The following EXT1 variants were observed in gnomAD, a reference collection of about 807,000 sequenced individuals.
EXT1 encodes exostosin glycosyltransferase 1.
In EXT1, 20 loss-of-function variants were observed where a neutral mutation model predicts 82.5. The ratio of observed to expected loss-of-function variants is 0.24; its 90% CI spans 0.17 to 0.35. EXT1 has a LOEUF of 0.35. Ranked by LOEUF, EXT1 falls within the 10% of genes least tolerant of loss-of-function variation. EXT1 has a pLI of 1.00. For missense variants in EXT1, 757 were observed against 936.5 expected (o/e 0.81, Z 2.50); for synonymous variants, 348 against 350.8 (o/e 0.99, Z 0.09).
At chr8:117,860,756 A>C (rs966511187) in intron 1 of EXT1, among the ~76,000 whole-genome samples, 1 of 152,234 alleles carries the variant, frequency 6.6e-6, no homozygotes, top group Non-Finnish European at 1.5e-5. Context: ...AAGATTTGGC[A>C]GCACTGGACC....
At chr8:118,092,734 A>C (rs1204660393) in intron 1 of EXT1, among the ~76,000 whole-genome samples, 1 of 152,220 alleles carries the variant, frequency 6.6e-6, no homozygotes, top group Non-Finnish European at 1.5e-5. Flanking sequence ...TGGACAGAAA[A>C]ACGTGTAATA....
At chr8:117,991,285 A>G (rs561845953) in intron 1 of EXT1, among the ~76,000 whole-genome samples, 3 of 152,116 alleles carry the variant, frequency 2.0e-5, no homozygotes, top group Admixed American at 6.5e-5. Context: ...TAAATTTTAT[A>G]TTTGTGAAAT....
At position 117,804,799 on chromosome 8, in the gene EXT1, G is replaced by A. The variant is rs2129693712; in HGVS notation, c.1978C>T (p.Leu660=). Residue 660 remains leucine (L), a synonymous_variant, in exon 10 of 11, where the codon CTG becomes TTG. Transcript: ENST00000378204. ...GGCAATTTTGTCACAGCAGACACCA[G>A]GAAGTTCATGAGAATGTCCTCACAA... ...ANCEDILMNF[L]VSAVTKLPPI... is the part of the protein sequence containing the mutation. The A allele has an allele frequency of 6.2e-7, 1 of 1,614,092 alleles. No homozygotes were observed. Among genetic ancestry groups the A allele is most frequent in the Non-Finnish European group, 8.5e-7 (1 of 1,179,986 alleles).
Position 117,953,428 on chromosome 8 carries a change from G to A in EXT1, c.963-116227C>T, listed in dbSNP as rs572756634. On this transcript the variant is annotated intron_variant, in intron 1 of 10. Transcript: ENST00000378204. ...TGCAAATGGTTTTTCTTAGCACTGT[G>A]AGCCCCAATGAAGCAAACAGCCTCA... 2.0e-5 allele frequency among the ~76,000 whole-genome samples: 3 copies of A among 151,650 alleles called. No individual in the cohort carries two copies. In the East Asian group the frequency reaches 5.8e-4, roughly 29 times the overall value.
intron 1 of EXT1, among the ~76,000 whole-genome samples, chr8:117,931,005 G>A (rs1000488247): frequency 1.4e-4 from 22 of 152,174 alleles, no homozygotes; most frequent in African/African-American, 5.1e-4. Context: ...ATGCCAAGAC[G>A]TTATCTTATA....
chr8:118,022,714 T>A (rs766902406), intron 1 of EXT1, among the ~76,000 whole-genome samples: 1 of 152,112 alleles, frequency 6.6e-6, no homozygotes, highest in Non-Finnish European at 1.5e-5. Context: ...ACAATGTCTA[T>A]AACTGTTGCT....
intron 1 of EXT1, among the ~76,000 whole-genome samples, chr8:118,013,268 G>A (rs972625621): frequency 9.9e-5 from 15 of 152,064 alleles, no homozygotes; most frequent in Non-Finnish European, 2.2e-4. Context: ...GAGTGCAGTG[G>A]CGCAATCTTA....
chr8:117,825,785 A>C (rs1279096268), intron 4 of EXT1, among the ~76,000 whole-genome samples: 1 of 152,220 alleles, frequency 6.6e-6, no homozygotes, highest in South Asian at 2.1e-4. Context: ...ATATCATTGT[A>C]TGATAGCATC....
At chr8:117,826,688 G>A (rs1812012774) in intron 4 of EXT1, among the ~76,000 whole-genome samples, 1 of 152,110 alleles carries the variant, frequency 6.6e-6, no homozygotes, top group Non-Finnish European at 1.5e-5. Context: ...CAACTTGGTT[G>A]AGAGGTCAAA....
intron 1 of EXT1, among the ~76,000 whole-genome samples, chr8:118,029,818 T>A (rs1816275455): frequency 6.6e-6 from 1 of 152,220 alleles, no homozygotes. Context: ...AAACTACAGC[T>A]CTCAGAGTGA....
At chr8:117,829,563 A>ATTTTTATTTT (rs1373514397) in intron 4 of EXT1, among the ~76,000 whole-genome samples, 1 of 83,832 alleles carries the variant, frequency 1.2e-5, no homozygotes, top group African/African-American at 4.1e-5. Context: ...CATTATATAT[A>ATTTTTATTTT]TTTTTCTTTT....
At chr8:118,008,362 C>T (rs750868285) in intron 1 of EXT1, among the ~76,000 whole-genome samples, 54 of 152,050 alleles carry the variant, frequency 3.6e-4, no homozygotes, top group Non-Finnish European at 6.9e-4. Context: ...CTGGTTCAAG[C>T]GATTCTCCTG....
chr8:117,845,117 T>G (rs943455665), intron 1 of EXT1, among the ~76,000 whole-genome samples: 1 of 152,184 alleles, frequency 6.6e-6, no homozygotes, highest in Admixed American at 6.6e-5. Flanking sequence ...TCATGTCCTC[T>G]TAAAATCCAT....
chr8:117,810,914 C>T (rs1823308224), intron 8 of EXT1, among the ~76,000 whole-genome samples: 1 of 152,166 alleles, frequency 6.6e-6, no homozygotes, highest in African/African-American at 2.4e-5. Flanking sequence ...CATTAGAGTT[C>T]TGGCAGTAGC....
chr8:118,037,125 A>T (rs1302731280), intron 1 of EXT1, among the ~76,000 whole-genome samples: 1 of 152,226 alleles, frequency 6.6e-6, no homozygotes, highest in African/African-American at 2.4e-5. Flanking sequence ...TGTCTTAAAC[A>T]TCACATCTTC....
chr8:118,107,963 G>A (rs570364992), intron 1 of EXT1, among the ~76,000 whole-genome samples: 3 of 152,260 alleles, frequency 2.0e-5, no homozygotes, highest in South Asian at 2.1e-4. Flanking sequence ...GCTTTTCTAC[G>A]AAATGCCACT....
At chr8:117,901,281 G>A (rs1423611024) in intron 1 of EXT1, among the ~76,000 whole-genome samples, 4 of 152,152 alleles carry the variant, frequency 2.6e-5, no homozygotes, top group Non-Finnish European at 5.9e-5. Context: ...CTACAAATCT[G>A]TATATCACAT....
chr8:118,064,611 C>T (rs1280649562), intron 1 of EXT1, among the ~76,000 whole-genome samples: 3 of 152,128 alleles, frequency 2.0e-5, no homozygotes, highest in Non-Finnish European at 2.9e-5. Context: ...CAAGTCTTTG[C>T]TATTGTGAAT....
At chr8:118,019,193 C>A (rs111248577) in intron 1 of EXT1, among the ~76,000 whole-genome samples, 2 of 151,854 alleles carry the variant, frequency 1.3e-5, no homozygotes, top group African/African-American at 4.8e-5. Context: ...ATTTCCCTAA[C>A]TTTGATTCTT....
Sources: allele counts gnomAD v4.1 joint callset (sites outside exome capture counted in the v4.1 genomes callset), GRCh38; gene constraint gnomAD v4.1.1; transcripts MANE v1.5; gene names NCBI Gene and HGNC (gene_info 2026-07-23, HGNC 2026-07-21).